The following ZP2 variants were observed in gnomAD, a reference collection of about 807,000 sequenced individuals.
The protein encoded by ZP2 is zona pellucida sperm-binding protein 2.
Under a neutral mutation model 84.0 loss-of-function variants are expected in ZP2, and 51 were observed. The ratio of observed to expected loss-of-function variants is 0.61; its 90% CI spans 0.49 to 0.77. The LOEUF (loss-of-function observed/expected upper bound fraction) is 0.77. ZP2 is among the 30% of genes least tolerant of loss of function. ZP2 has a pLI of 0.00. For missense variants in ZP2, 909 were observed against 911.9 expected (o/e 1.00, Z 0.04); for synonymous variants, 375 against 330.9 (o/e 1.13, Z -1.45).
chr16:21,204,501 C>T (rs553794684), intron 7 of ZP2, 97 bp from the exon 8 acceptor site: 218 of 922,534 alleles, frequency 2.4e-4, no homozygotes, highest in Non-Finnish European at 3.3e-4. Context: ...AAGTAATGGG[C>T]ACTACTTTGA....
chr16:21,200,622 ATCAGTGCT>A (rs1455942602), intron 14 of ZP2, among the ~76,000 whole-genome samples: 6 of 152,360 alleles, frequency 3.9e-5, no homozygotes, highest in Middle Eastern at 3.4e-3. Flanking sequence ...ACCTCAGAGC[ATCAGTGCT>A]CAGATTCTAG....
In ZP2 at chr16:21,197,751, A is replaced by C; in HGVS notation, c.2095+15T>G. On this transcript the variant is annotated intron_variant, in intron 18 of 18. Coordinates refer to ENST00000574091, the MANE Select transcript of ZP2 (RefSeq NM_001376232.1). The stretch of plus-strand genomic sequence containing the variant: ...CAGGCTTATTTCAGAAGTTTGCAAC[A>C]TTGAATAAACTTACCTCGTGAGCCA... The C allele has an allele frequency of 1.2e-6, 2 of 1,614,128 alleles. No individual in the cohort carries two copies. The highest frequency in any genetic ancestry group is 1.7e-6 in the Non-Finnish European group (2 of 1,179,956).
Position 21,199,646 on chromosome 16 carries a change from G to A in ZP2, c.1851C>T (p.Ala617=). 1.4e-6 allele frequency: 2 copies of A among 1,388,104 alleles called. No individual in the cohort carries two copies. The highest frequency in any genetic ancestry group is 1.4e-5 in the African/African-American group (1 of 70,834). The allele number at this position is 1,388,104 out of a possible 1,614,324, so 86.0% of individuals were successfully genotyped here. The change falls in exon 16 of 19, where the codon GCC becomes GCT. Residue 617 remains alanine, a synonymous_variant. Coordinates refer to ENST00000574091, the MANE Select transcript of ZP2 (RefSeq NM_001376232.1). ...LSSLVYFHCS[A]LICNRLSPDS... Reference sequence around the variant, plus strand: ...CAGGGGAGAGTCGATTACAGATTAAGGCACTGCAGTGGAAGTAGACCTGGA... The same window carrying A: ...CAGGGGAGAGTCGATTACAGATTAAAGCACTGCAGTGGAAGTAGACCTGGA...
At position 21,198,892 on chromosome 16, in the gene ZP2, G is replaced by T. The variant is rs188253906; in HGVS notation, c.1928-30C>A. On this transcript the variant is annotated intron_variant, in intron 16 of 18. Transcript: ENST00000574091. ...AGACAGATGATCAAGTTTGTGTTTG[G>T]CCTCTGGAATAGTGGTTCGAGAGGT... 215 of 1,598,822 alleles carry T rather than the reference G, an allele frequency of 1.3e-4. No individual in the cohort carries two copies. In the African/African-American group the frequency reaches 2.4e-3, roughly 17 times the overall value.
chr16:21,200,640 G>C (rs939501629), intron 14 of ZP2, among the ~76,000 whole-genome samples: 3 of 152,188 alleles, frequency 2.0e-5, no homozygotes, highest in Non-Finnish European at 4.4e-5. Flanking sequence ...TCAGATTCTA[G>C]AGTCAGATGG....
intron 10 of ZP2, among the ~76,000 whole-genome samples, chr16:21,202,743 A>G (rs1489961427): frequency 6.6e-6 from 1 of 150,688 alleles, no homozygotes; most frequent in Non-Finnish European, 1.5e-5. Flanking sequence ...AAACAGAAGC[A>G]CATGGTGGAG....
chr16:21,210,079 G>A (rs1393400681), intron 3 of ZP2, 30 bp downstream of exon 3: 9 of 1,594,652 alleles, frequency 5.6e-6, no homozygotes, highest in Non-Finnish European at 7.7e-6. Flanking sequence ...TGCTAATCAG[G>A]ACTATGAGGA....
chr16:21,210,249 A>C (rs965851753), intron 2 of ZP2, 57 bp from the exon 3 acceptor site: 2 of 1,353,016 alleles, frequency 1.5e-6, no homozygotes, highest in Admixed American at 1.7e-5. Context: ...CAACTCCTAC[A>C]AAAGTGTATA....
At chr16:21,205,071 C>T (rs932796794) in intron 7 of ZP2, among the ~76,000 whole-genome samples, 12 of 152,166 alleles carry the variant, frequency 7.9e-5, no homozygotes, top group African/African-American at 2.9e-4. Flanking sequence ...CAACTTCTAC[C>T]TCCTGGGTTC....
At chr16:21,199,699 G>A (rs2152854576) in intron 15 of ZP2, 33 bp from the exon 16 acceptor site, 5 of 1,582,338 alleles carry the variant, frequency 3.2e-6, no homozygotes, top group Non-Finnish European at 4.3e-6. Flanking sequence ...TGGAATCGAT[G>A]CACTAACATT....
intron 9 of ZP2, chr16:21,203,791 TAGAA>T: frequency 3.5e-6 from 2 of 567,356 alleles, no homozygotes; most frequent in South Asian, 2.1e-5. Flanking sequence ...TTTTAAGACT[TAGAA>T]AGACTTAGAC....
rs763763809 is a variant in ZP2, at chr16:21,204,224, A to G, written c.791-13T>C. ...CAGGTCACAGGATCTAGAAGGAATGACAACAGAATGCCCATTACCAGCCTT... is the reference window on the plus strand; with the variant it reads ...CAGGTCACAGGATCTAGAAGGAATGGCAACAGAATGCCCATTACCAGCCTT... On this transcript the variant is annotated splice_polypyrimidine_tract_variant and intron_variant, in intron 8 of 18. Transcript: ENST00000574091. 3.7e-6 allele frequency: 6 copies of G among 1,614,100 alleles called. No individual in the cohort carries two copies. Among genetic ancestry groups the G allele is most frequent in the Admixed American group, 1.7e-5 (1 of 60,006 alleles).
intron 14 of ZP2, among the ~76,000 whole-genome samples, 163 bp downstream of exon 14, chr16:21,201,206 A>AC (rs199908393): frequency 1.6e-4 from 25 of 151,658 alleles, no homozygotes; most frequent in Admixed American, 2.6e-4. Context: ...CTCAAAACAA[A>AC]AAAAAAAAAA....
Position 21,203,379 on chromosome 16 carries a change from C to G in ZP2, c.973-128G>C, listed in dbSNP as rs2093235199. 2.4e-6 allele frequency: 3 copies of G among 1,263,086 alleles called. No individual in the cohort carries two copies. The South Asian group carries it at 4.2e-5, about 18-fold the overall frequency. 78.2% of individuals were successfully genotyped at this position (1,263,086 alleles called of 1,614,324 possible). ...CAGACTTATCTGGGCTCCCTTTAAA[C>G]CAAAACAAGAGAGACCCTATCACTT... On this transcript the variant is annotated intron_variant, in intron 9 of 18. Transcript: ENST00000574091.
rs776303330 is a variant in ZP2 at position 21,198,859 on chromosome 16, G to A, written c.1931C>T (p.Thr644Ile). The change falls in exon 17 of 19, where the codon ACA becomes ATA. Residue 644 changes from threonine (T) to isoleucine (I), a missense_variant. By Grantham distance (89) the Thr-to-Ile change is moderately conservative (BLOSUM62 -1). Transcript: ENST00000574091. ...CPVSSRHRRA[T>I]GATEAEKMTV... ...CATTTTCTCTGCTTCAGTGGCCCCT[G>A]TGGCTGGAGACAGATGATCAAGTTT... 6.2e-7 allele frequency: 1 copy of A among 1,613,744 alleles called. No individual in the cohort carries two copies. Among genetic ancestry groups the A allele is most frequent in the East Asian group, 2.2e-5 (1 of 44,880 alleles).
rs374988817 is a variant in ZP2 at position 21,210,063 on chromosome 16, G to C, written c.235+46C>G. ...CAAACAGGATTGACCTAAGCCAAAGGCTGTCTGCTAATCAGGACTATGAGG... is the reference window on the plus strand; with the variant it reads ...CAAACAGGATTGACCTAAGCCAAAGCCTGTCTGCTAATCAGGACTATGAGG... On this transcript the variant is annotated intron_variant, in intron 3 of 18. Coordinates refer to ENST00000574091, the MANE Select transcript of ZP2 (RefSeq NM_001376232.1). The C allele has an allele frequency of 2.4e-5, 37 of 1,556,906 alleles. No homozygotes were observed. In the Middle Eastern group the frequency reaches 6.7e-4, roughly 28 times the overall value.
Position 21,197,784 on chromosome 16 carries a change from C to T in ZP2, c.2077G>A (p.Glu693Lys), listed in dbSNP as rs759970257. 1.6e-5 allele frequency: 26 copies of T among 1,614,080 alleles called. No homozygotes were observed. The African/African-American group carries it at 3.2e-4, about 20-fold the overall frequency. ...SGEKSRSETG[E>K]EVGSRGAMDT... ...AACTTACCTCGTGAGCCAACCTCCT[C>T]CCCTGTTTCACTCCTACTCTTCTCC... Residue 693 changes from glutamate (E) to lysine (K), a missense_variant, in exon 18 of 19, where the codon GAG becomes AAG. By Grantham distance (56) the Glu-to-Lys change is moderately conservative. Coordinates refer to ENST00000574091, the MANE Select transcript of ZP2 (RefSeq NM_001376232.1).
upstream of ZP2, among the ~76,000 whole-genome samples, chr16:21,213,490 A>C (rs1485744681): frequency 6.6e-6 from 1 of 152,218 alleles, no homozygotes; most frequent in African/African-American, 2.4e-5. Context: ...CCTTGATCAA[A>C]AGGATCACAT....
intron 17 of ZP2, 64 bp downstream of exon 17, chr16:21,198,715 G>GACC: frequency 7.1e-7 from 1 of 1,403,440 alleles, no homozygotes; most frequent in Non-Finnish European, 1.0e-6. Flanking sequence ...TGTAAGCACT[G>GACC]ACCGCTTGGC....
Sources: allele counts gnomAD v4.1 joint callset (sites outside exome capture counted in the v4.1 genomes callset), GRCh38; gene constraint gnomAD v4.1.1; transcripts MANE v1.5; gene names NCBI Gene and HGNC (gene_info 2026-07-23, HGNC 2026-07-21).